The following MINDY3 variants were observed in gnomAD, a reference collection of about 807,000 sequenced individuals.
MINDY3 encodes ubiquitin carboxyl-terminal hydrolase MINDY-3.
A neutral mutation model predicts 69.2 loss-of-function variants in MINDY3; 38 were observed. The observed-to-expected ratio is 0.55, with a 90% CI of 0.42 to 0.72. The LOEUF is 0.72. MINDY3 is among the 30% of genes least tolerant of loss of function. MINDY3 has a pLI of 0.00. For missense variants in MINDY3, 522 were observed against 519.0 expected (o/e 1.01, Z -0.06); for synonymous variants, 192 against 180.1 (o/e 1.07, Z -0.53).
chr10:15,818,317 TA>T (rs75890684), intron 9 of MINDY3, among the ~76,000 whole-genome samples: 66 of 135,372 alleles, frequency 4.9e-4, no homozygotes, highest in Middle Eastern at 3.8e-3. Flanking sequence ...AAGGTAGAAG[TA>T]AAAAAAAAAA....
At chr10:15,842,511 C>T (rs1425418293) in intron 3 of MINDY3, among the ~76,000 whole-genome samples, 2 of 151,788 alleles carry the variant, frequency 1.3e-5, no homozygotes, top group Non-Finnish European at 3.0e-5. Flanking sequence ...TAATTTAAAA[C>T]TTATGGAAGT....
chr10:15,790,850 C>T (rs956799982), intron 11 of MINDY3, among the ~76,000 whole-genome samples: 8 of 152,224 alleles, frequency 5.3e-5, no homozygotes, highest in Non-Finnish European at 1.0e-4. Flanking sequence ...GATGCTCAGT[C>T]TGTACACCGT....
intron 8 of MINDY3, among the ~76,000 whole-genome samples, chr10:15,827,156 T>C (rs1455311441): frequency 5.5e-5 from 1 of 18,102 alleles, no homozygotes; most frequent in South Asian, 1.1e-3. Flanking sequence ...GGGAGACACA[T>C]AAAATTGATA....
chr10:15,789,419 A>C, intron 11 of MINDY3, 100 bp from the exon 12 acceptor site: 1 of 853,982 alleles, frequency 1.2e-6, no homozygotes, highest in Non-Finnish European at 1.9e-6. Flanking sequence ...CGCATAAAAA[A>C]TACAAAGAGT....
At chr10:15,816,282 G>GAAAAAAAAAAAAAAAAAAAAAAAA (rs1421619763) in intron 10 of MINDY3, among the ~76,000 whole-genome samples, 3 of 108,508 alleles carry the variant, frequency 2.8e-5, no homozygotes, top group African/African-American at 1.9e-4. Flanking sequence ...AAAAAAAAAT[G>GAAAAAAAAAAAAAAAAAAAAAAAA]AAAAAGAAAA....
At chr10:15,827,271 G>A (rs1056172593) in intron 8 of MINDY3, among the ~76,000 whole-genome samples, 1 of 151,686 alleles carries the variant, frequency 6.6e-6, no homozygotes. Context: ...GCCAGGCGCG[G>A]TAGCTCACGC....
chr10:15,823,564 TTTTG>T (rs1210114865), intron 8 of MINDY3, among the ~76,000 whole-genome samples: 1 of 152,106 alleles, frequency 6.6e-6, no homozygotes, highest in Non-Finnish European at 1.5e-5. Context: ...AATGAGTATA[TTTTG>T]TTTTTTTCTA....
intron 10 of MINDY3, among the ~76,000 whole-genome samples, chr10:15,813,234 C>T (rs1417625626): frequency 6.6e-6 from 1 of 152,078 alleles, no homozygotes; most frequent in Non-Finnish European, 1.5e-5. Context: ...TCATCTTACA[C>T]CTTGTCCCCC....
chr10:15,825,205 T>C (rs1369457853), intron 8 of MINDY3, among the ~76,000 whole-genome samples: 2 of 152,162 alleles, frequency 1.3e-5, no homozygotes, highest in African/African-American at 4.8e-5. Context: ...ATTTTGGATT[T>C]CAGATTTTCA....
At chr10:15,829,498 G>A (rs116793946) in intron 8 of MINDY3, among the ~76,000 whole-genome samples, 2,287 of 152,254 alleles carry the variant, frequency 0.015, 47 homozygotes, top group African/African-American at 0.049. Context: ...TTAAAGCACT[G>A]GATTTGTGAA....
chr10:15,838,314 G>C, intron 4 of MINDY3, 35 bp from the exon 5 acceptor site: 1 of 1,549,344 alleles, frequency 6.5e-7, no homozygotes, highest in Non-Finnish European at 8.7e-7. Flanking sequence ...CACTACACAT[G>C]GCAAATAAAT....
intron 14 of MINDY3, among the ~76,000 whole-genome samples, chr10:15,781,165 AT>A (rs1836498813): frequency 6.6e-6 from 1 of 152,048 alleles, no homozygotes; most frequent in African/African-American, 2.4e-5. Flanking sequence ...GAAAATTTGG[AT>A]GCTGTATATA....
intron 1 of MINDY3, among the ~76,000 whole-genome samples, chr10:15,848,633 C>CAAAAAAAAAAAAAAAAAAAAAAAAA (rs10719399): frequency 1.4e-4 from 7 of 48,796 alleles, no homozygotes; most frequent in African/African-American, 8.4e-4. Context: ...GACTTCATCT[C>CAAAAAAAAAAAAAAAAAAAAAAAAA]AAAAAAAAAA....
At chr10:15,830,165 T>A (rs1220495938) in intron 8 of MINDY3, among the ~76,000 whole-genome samples, 1 of 152,208 alleles carries the variant, frequency 6.6e-6, no homozygotes, top group Admixed American at 6.5e-5. Flanking sequence ...CTCAAGTGTT[T>A]CAATTTTCTA....
At chr10:15,796,038 C>T in intron 11 of MINDY3, 62 bp downstream of exon 11, 1 of 1,185,236 alleles carries the variant, frequency 8.4e-7, no homozygotes, top group Non-Finnish European at 1.3e-6. Flanking sequence ...AATCAGGTCG[C>T]TATCAATGTA....
At chr10:15,785,531 A>G (rs987903484) in intron 13 of MINDY3, among the ~76,000 whole-genome samples, 2 of 152,182 alleles carry the variant, frequency 1.3e-5, no homozygotes, top group African/African-American at 2.4e-5. Context: ...GGTATAATGT[A>G]TTATTAATCC....
intron 2 of MINDY3, 92 bp from the exon 3 acceptor site, chr10:15,843,364 C>T: frequency 9.8e-7 from 1 of 1,015,516 alleles, no homozygotes; most frequent in Non-Finnish European, 1.5e-6. Flanking sequence ...ATAATGTGTA[C>T]TCCCTTTCTA....
At chr10:15,819,540 C>A (rs1194717266) in intron 9 of MINDY3, among the ~76,000 whole-genome samples, 1 of 152,142 alleles carries the variant, frequency 6.6e-6, no homozygotes, top group African/African-American at 2.4e-5. Flanking sequence ...AAGAGCCCCC[C>A]AGAGTTATCC....
chr10:15,791,024 C>G (rs1588516356), intron 11 of MINDY3, among the ~76,000 whole-genome samples: 1 of 152,204 alleles, frequency 6.6e-6, no homozygotes. Flanking sequence ...TGATTAACCT[C>G]AAGCTTAAAC....
Sources: gnomAD v4.1 joint callset for allele counts (sites outside exome capture counted in the v4.1 genomes callset) on GRCh38, gnomAD v4.1.1 for gene constraint, MANE v1.5 for transcripts, NCBI Gene and HGNC (gene_info 2026-07-23, HGNC 2026-07-21) for gene names.